APC: variants seen among roughly 807,000 people sequenced by gnomAD.
The protein encoded by APC is adenomatous polyposis coli protein.
Under a neutral mutation model 247.0 loss-of-function variants are expected in APC, and 72 were observed. That is an observed-to-expected ratio of 0.29 (90% CI 0.24 to 0.35). The LOEUF (loss-of-function observed/expected upper bound fraction) is 0.35. Ranked by LOEUF, APC falls within the 10% of genes least tolerant of loss-of-function variation. The pLI is 1.00. For synonymous variants in APC, 1,254 were observed against 1,162.5 expected (o/e 1.08, Z -1.60); for missense variants, 3,400 against 3,360.7 (o/e 1.01, Z -0.29).
chr5:112,738,485 G>A (rs1752595037), intron 1 of APC: 12 of 985,692 alleles, frequency 1.2e-5, no homozygotes, highest in African/African-American at 1.7e-5. Context: ...GAGTGGTGGT[G>A]TTGGTTGGTG....
At chr5:112,818,272 A>T (rs898472528) in intron 9 of APC, among the ~76,000 whole-genome samples, 1 of 152,194 alleles carries the variant, frequency 6.6e-6, no homozygotes, top group Admixed American at 6.5e-5. Flanking sequence ...ACTGGGTGCC[A>T]CTTTCCGGTT....
At chr5:112,747,498 C>T (rs1373129406) in intron 1 of APC, among the ~76,000 whole-genome samples, 1 of 152,182 alleles carries the variant, frequency 6.6e-6, no homozygotes, top group Non-Finnish European at 1.5e-5. Context: ...GACCACTACA[C>T]TCATGCCATA....
At chr5:112,767,601 AT>A (rs1756502498) in intron 4 of APC, among the ~76,000 whole-genome samples, 1 of 151,992 alleles carries the variant, frequency 6.6e-6, no homozygotes, top group African/African-American at 2.4e-5. Flanking sequence ...CTGAAGACCT[AT>A]TTTGTCACTT....
chr5:112,838,819 T>C lies in APC; in HGVS notation c.3225T>C (p.Tyr1075=), dbSNP rs768123840. Reference sequence around the variant, plus strand: ...AATCAAGGAATCAAAGTACAACTTATCCTGTTTATACTGAGAGCACTGATG... The same window carrying C: ...AATCAAGGAATCAAAGTACAACTTACCCTGTTTATACTGAGAGCACTGATG... ...QRQSRNQSTT[Y]PVYTESTDDK... is the part of the protein sequence containing the mutation. The change falls in exon 16 of 16, where the codon TAT becomes TAC. Residue 1075 remains tyrosine, a synonymous_variant. Transcript: ENST00000257430. The C allele has an allele frequency of 2.1e-5, 34 of 1,614,144 alleles. 1 individual carries two copies. Among genetic ancestry groups the C allele is most frequent in the South Asian group, 1.6e-4 (15 of 91,084 alleles).
rs376354721 is a variant in APC, at chr5:112,712,141, A to G, written c.165+4259A>G. ...GCAACACAATACGGGGAAGGGGTGGATCCTGGGGAAGTAACCAGTGTCCTC... is the reference window on the plus strand; with the variant it reads ...GCAACACAATACGGGGAAGGGGTGGGTCCTGGGGAAGTAACCAGTGTCCTC... On this transcript the variant is annotated intron_variant, in intron 1 of 13. Coordinates refer to the APC transcript ENST00000507379. 2.0e-5 allele frequency among the ~76,000 whole-genome samples: 3 copies of G among 152,334 alleles called. No individual in the cohort carries two copies. In the South Asian group the frequency reaches 6.2e-4, roughly 32 times the overall value.
At chr5:112,759,671 A>G (rs1016867834) in intron 2 of APC, among the ~76,000 whole-genome samples, 1 of 152,142 alleles carries the variant, frequency 6.6e-6, no homozygotes, top group Non-Finnish European at 1.5e-5. Context: ...ATAATTTTCT[A>G]ATGTTTCTAA....
rs59264373 is a variant in APC at position 112,836,179 on chromosome 5, C to CCCA, written c.1958+1014_1958+1015insCCA. ...GGGATTACAGGTCCCCCCCCCCCCC[C>CCCA]GCCACCGTGCCCGGCTAATTTTTAT... On this transcript the variant is annotated intron_variant, in intron 15 of 15. Coordinates refer to ENST00000257430, the MANE Select transcript of APC (RefSeq NM_000038.6). Among the ~76,000 whole-genome samples, 71 of 64,830 alleles carry CCCA rather than the reference C, an allele frequency of 1.1e-3. 3 individuals carry two copies. Among genetic ancestry groups the CCCA allele is most frequent in the South Asian group, 3.4e-3 (3 of 888 alleles). The allele number at this position is 64,830 out of a possible 152,430, so 42.5% of individuals were successfully genotyped here. A position where few individuals can be genotyped will look rare whatever the true frequency, so the allele number is the denominator to read the frequency against.
At chr5:112,810,830 G>T (rs1761910885) in intron 8 of APC, among the ~76,000 whole-genome samples, 1 of 152,294 alleles carries the variant, frequency 6.6e-6, no homozygotes, top group Non-Finnish European at 1.5e-5. Flanking sequence ...TTTGAGACCA[G>T]CCTGGCCAAC....
intron 11 of APC, among the ~76,000 whole-genome samples, chr5:112,826,750 TAA>T (rs1482966152): frequency 4.6e-5 from 7 of 151,920 alleles, no homozygotes; most frequent in Admixed American, 1.3e-4. Flanking sequence ...ATAATAATAA[TAA>T]GTTACCTTTT....
At chr5:112,714,982 G>A (rs1751075444) in intron 1 of APC, among the ~76,000 whole-genome samples, 1 of 152,158 alleles carries the variant, frequency 6.6e-6, no homozygotes. Flanking sequence ...TAGAGTTGAG[G>A]TACCCCTTGG....
At chr5:112,819,450 G>A (rs1762888371) in intron 10 of APC, 106 bp downstream of exon 10, 4 of 1,405,512 alleles carry the variant, frequency 2.8e-6, no homozygotes, top group Admixed American at 3.8e-5. Flanking sequence ...ACTAAGAGGA[G>A]AAAATTCATA....
intron 1 of APC, chr5:112,738,543 A>G (rs1005379054): frequency 1.0e-6 from 1 of 968,186 alleles, no homozygotes; most frequent in Non-Finnish European, 1.2e-6. Flanking sequence ...ACATCTAAGT[A>G]AACTCCCTGT....
At chr5:112,776,676 A>G (rs935718793) in intron 5 of APC, among the ~76,000 whole-genome samples, 1 of 152,128 alleles carries the variant, frequency 6.6e-6, no homozygotes, top group Non-Finnish European at 1.5e-5. Context: ...TGTCTCTACT[A>G]AAGTAAATAC....
chr5:112,779,514 GTATTT>G (rs748722255), intron 5 of APC, among the ~76,000 whole-genome samples: 7 of 152,068 alleles, frequency 4.6e-5, no homozygotes, highest in Non-Finnish European at 8.8e-5. Flanking sequence ...AACTCTGCTT[GTATTT>G]TATAAGTATT....
intron 1 of APC, among the ~76,000 whole-genome samples, chr5:112,754,432 C>CTA (rs1754725863): frequency 6.6e-6 from 1 of 152,086 alleles, no homozygotes; most frequent in African/African-American, 2.4e-5. Context: ...TATGTAATCT[C>CTA]ATTAATCCAT....
chr5:112,754,017 T>C (rs1754671685), intron 1 of APC, among the ~76,000 whole-genome samples: 1 of 152,198 alleles, frequency 6.6e-6, no homozygotes, highest in Admixed American at 6.6e-5. Flanking sequence ...AAAGTCCTCT[T>C]ACCTGGCTAT....
Position 112,818,606 on chromosome 5 carries a change from T to G in APC, c.934-360T>G, listed in dbSNP as rs464708. Among the ~76,000 whole-genome samples, 97,323 of 151,984 alleles carry G rather than the reference T, an allele frequency of 0.64. 31,450 individuals are homozygous for G. Among genetic ancestry groups the G allele is most frequent in the East Asian group, 0.82 (4,250 of 5,174 alleles). On this transcript the variant is annotated intron_variant, in intron 9 of 15. Coordinates refer to ENST00000257430, the MANE Select transcript of APC (RefSeq NM_000038.6). ...AGATTTAGATAAACTACATTCTCTA[T>G]GTGTGTGAAATCCGTTGTTTTTCAC...
chr5:112,747,981 A>G (rs907308319), intron 1 of APC, among the ~76,000 whole-genome samples: 1 of 152,184 alleles, frequency 6.6e-6, no homozygotes, highest in Non-Finnish European at 1.5e-5. Flanking sequence ...ATGCCCATCT[A>G]TTTATGTGTT....
intron 1 of APC, among the ~76,000 whole-genome samples, chr5:112,711,828 A>G (rs998945677): frequency 1.3e-5 from 2 of 152,192 alleles, no homozygotes; most frequent in Non-Finnish European, 2.9e-5. Flanking sequence ...CTAAGCTCCC[A>G]TTTATCTGCT....
Sources: gnomAD v4.1 joint callset for allele counts (sites outside exome capture counted in the v4.1 genomes callset) on GRCh38, gnomAD v4.1.1 for gene constraint, MANE v1.5 for transcripts, NCBI Gene and HGNC (gene_info 2026-07-23, HGNC 2026-07-21) for gene names.